Variants in SETD5 observed in about 807,000 individuals in gnomAD.
SETD5 encodes the protein SET domain containing 5.
Under a neutral mutation model 153.3 loss-of-function variants are expected in SETD5, and 44 were observed. The observed-to-expected ratio is 0.29, with a 90% confidence interval of 0.23 to 0.37. SETD5 has a LOEUF of 0.37. SETD5 is among the 10% of genes least tolerant of loss of function. The pLI, the probability that SETD5 is intolerant of heterozygous loss-of-function variation, is 1.00. For missense variants in SETD5, 1,544 were observed against 1,768.0 expected (o/e 0.87, Z 2.27); for synonymous variants, 716 against 645.2 (o/e 1.11, Z -1.66).
At chr3:9,422,520 G>GTA (rs1480899187) in intron 1 of SETD5, among the ~76,000 whole-genome samples, 9 of 152,140 alleles carry the variant, frequency 5.9e-5, no homozygotes, top group African/African-American at 2.2e-4. Flanking sequence ...AGGAAAATAA[G>GTA]TATAAATTTT....
At chr3:9,452,175 T>C (rs1176123249) in intron 16 of SETD5, among the ~76,000 whole-genome samples, 7 of 152,198 alleles carry the variant, frequency 4.6e-5, no homozygotes, top group African/African-American at 7.2e-5. Flanking sequence ...AGTCATCAGA[T>C]CCAGAATGTA....
Position 9,440,703 on chromosome 3 carries a change from G to T in SETD5, c.810+5G>T, listed in dbSNP as rs1278552034. ...GTTATTGGTTCCCAAATGCAGGTAA[G>T]CACCAAAGGGTTGAGGACTCTCTAA... On this transcript the variant is annotated splice_donor_5th_base_variant and intron_variant, in intron 8 of 22. Coordinates refer to ENST00000402198, the MANE Select transcript of SETD5 (RefSeq NM_001080517.3). 4 of 1,611,570 alleles carry T rather than the reference G, an allele frequency of 2.5e-6. No homozygotes were observed. The highest frequency in any genetic ancestry group is 3.4e-6 in the Non-Finnish European group (4 of 1,178,880).
intron 7 of SETD5, chr3:9,436,869 G>A (rs985613773): frequency 1.2e-5 from 18 of 1,550,024 alleles, no homozygotes; most frequent in East Asian, 2.4e-5. Flanking sequence ...GAGGGATCCC[G>A]GAAGTCCTTG....
chr3:9,448,014 A>T lies in SETD5; in HGVS notation c.2103+8A>T, dbSNP rs774865897. 1.6e-5 allele frequency: 25 copies of T among 1,608,726 alleles called. No individual in the cohort carries two copies. In the South Asian group the frequency reaches 2.5e-4, roughly 16 times the overall value. The stretch of plus-strand genomic sequence containing the variant: ...TACCCCAAAACCAAAAAGGTAAGTC[A>T]CAAATGCATCCTTTATAAGTCCAGT... On this transcript the variant is annotated splice_region_variant and intron_variant, in intron 15 of 22. Transcript: ENST00000402198.
At chr3:9,412,387 GTTTTTTTTTTTTTTTTTT>G (rs370566998) in intron 1 of SETD5, among the ~76,000 whole-genome samples, 1 of 89,536 alleles carries the variant, frequency 1.1e-5, no homozygotes, top group South Asian at 4.6e-4. Context: ...ACAGTTTTGG[GTTTTTTTTTTTTTTTTTT>G]TTTTTTTTTT....
chr3:9,439,458 T>G (rs1041675851), intron 7 of SETD5, among the ~76,000 whole-genome samples: 5 of 152,250 alleles, frequency 3.3e-5, no homozygotes, highest in African/African-American at 1.2e-4. Context: ...TTGTACCTGT[T>G]TGCAAGTTTA....
rs537336492 is a variant in SETD5, at chr3:9,399,813, A to G, written c.-177+1836A>G. ...AAAGCATAATTCCAGCCCTTCTGGC[A>G]TGGAGCACTGGTCCAAAAAAAAAAA... On this transcript the variant is annotated intron_variant, in intron 1 of 22. Coordinates refer to ENST00000402198, the MANE Select transcript of SETD5 (RefSeq NM_001080517.3). Among the ~76,000 whole-genome samples, 5 of 143,074 alleles carry G rather than the reference A, an allele frequency of 3.5e-5. No individual in the cohort carries two copies. In the South Asian group the frequency reaches 9.5e-4, roughly 27 times the overall value. The allele number at this position is 143,074 out of a possible 152,430, so 93.9% of individuals were successfully genotyped here.
At chr3:9,424,348 T>C (rs1004894855) in intron 1 of SETD5, 119 bp from the exon 2 acceptor site, 3 of 152,146 alleles carry the variant, frequency 2.0e-5, no homozygotes, top group Non-Finnish European at 4.4e-5. Flanking sequence ...CGAGATAGTA[T>C]AGATGTAGGA....
rs978233392 is a variant in SETD5, at chr3:9,433,734, C to T, written c.72-111C>T. On this transcript the variant is annotated intron_variant, in intron 3 of 22. Transcript: ENST00000402198. ...GTTTCACCGAGTTCTTTCTCTTATC[C>T]TAGTGGCTAGTGGTTGTGGAAAGAG... The T allele has an allele frequency of 6.3e-6, 7 of 1,105,898 alleles. No individual in the cohort carries two copies. The African/African-American group carries it at 9.3e-5, about 15-fold the overall frequency. The allele number at this position is 1,105,898 out of a possible 1,614,324, so 68.5% of individuals were successfully genotyped here.
intron 9 of SETD5, 41 bp downstream of exon 9, chr3:9,441,782 C>G (rs2041321947): frequency 3.1e-6 from 5 of 1,611,778 alleles, no homozygotes; most frequent in Non-Finnish European, 4.2e-6. Flanking sequence ...CTAAGGTGGA[C>G]CTGGTTGACC....
intron 1 of SETD5, among the ~76,000 whole-genome samples, chr3:9,416,146 A>G (rs1032731512): frequency 4.6e-5 from 7 of 151,698 alleles, no homozygotes; most frequent in Non-Finnish European, 8.8e-5. Context: ...TTCCATTGGA[A>G]GGTGTGCCTC....
rs776457954 is a variant in SETD5, at chr3:9,470,502, T to G, written c.2768T>G (p.Leu923Arg). ...KDLDLAKVGY[L>R]DSNTNSCADR... ...CTGGATTTGGCAAAAGTAGGATACC[T>G]TGACTCCAACACTAACAGCTGTGCT... Residue 923 changes from leucine to arginine, a missense_variant, in exon 19 of 23, where the codon CTT becomes CGT. Around this residue, in one of 9 missense-constraint regions of SETD5, gnomAD observed 782 missense variants for 787.2 expected, o/e 0.99. Transcript: ENST00000402198. 1 of 1,613,832 alleles carries G rather than the reference T, an allele frequency of 6.2e-7. No homozygotes were observed. Among genetic ancestry groups the G allele is most frequent in the Non-Finnish European group, 8.5e-7 (1 of 1,179,786 alleles).
At chr3:9,420,773 A>C (rs1467121835) in intron 1 of SETD5, among the ~76,000 whole-genome samples, 1 of 151,856 alleles carries the variant, frequency 6.6e-6, no homozygotes, top group East Asian at 1.9e-4. Flanking sequence ...TTTAGAGTTC[A>C]TCTCTTTGTT....
intron 3 of SETD5, chr3:9,429,962 G>A: frequency 7.7e-7 from 1 of 1,290,834 alleles, no homozygotes; most frequent in Admixed American, 2.4e-5. Flanking sequence ...CAGTACCAGG[G>A]ATTAGGGTCT....
intron 17 of SETD5, among the ~76,000 whole-genome samples, chr3:9,458,443 C>G (rs1027811054): frequency 6.6e-6 from 1 of 151,930 alleles, no homozygotes. Flanking sequence ...AGAGAGAGAC[C>G]CACATCTCTA....
intron 1 of SETD5, among the ~76,000 whole-genome samples, chr3:9,407,837 CTGAAAA>C (rs994728867): frequency 6.4e-4 from 97 of 152,146 alleles, no homozygotes; most frequent in African/African-American, 2.3e-3. Context: ...CCCATCTCTA[CTGAAAA>C]TAGAAAATTA....
Position 9,434,901 on chromosome 3 carries a change from A to G in SETD5, c.388+19A>G. On this transcript the variant is annotated intron_variant, in intron 6 of 22. Coordinates refer to ENST00000402198, the MANE Select transcript of SETD5 (RefSeq NM_001080517.3). This position sits in a 1 kb window ranked among gnomAD's most constrained non-coding sequence, Gnocchi z 5.6. The stretch of plus-strand genomic sequence containing the variant: ...ATATCAGGTGAGCGGAAGATGGGTT[A>G]GGTCCACAATTTGACATAAAAATAT... 6.2e-7 allele frequency: 1 copy of G among 1,610,148 alleles called. No homozygotes were observed. Among genetic ancestry groups the G allele is most frequent in the Non-Finnish European group, 8.5e-7 (1 of 1,178,402 alleles).
chr3:9,409,896 GT>G (rs1465180571), intron 1 of SETD5, among the ~76,000 whole-genome samples: 2 of 152,076 alleles, frequency 1.3e-5, no homozygotes, highest in African/African-American at 4.8e-5. Context: ...ATTTCTCTTT[GT>G]TTTGTGCCAC....
At chr3:9,436,909 A>T (rs2040636151) in intron 7 of SETD5, 1 of 1,548,566 alleles carries the variant, frequency 6.5e-7, no homozygotes, top group Non-Finnish European at 8.7e-7. Flanking sequence ...ATCTTCGCTG[A>T]TGCTGTGTTT....
Sources: gnomAD v4.1 joint callset for allele counts (sites outside exome capture counted in the v4.1 genomes callset) on GRCh38, gnomAD v4.1.1 for gene constraint, gnomAD v4.1.1 regional missense constraint, Gnocchi (gnomAD v3.1) non-coding constraint, MANE v1.5 for transcripts, NCBI Gene and HGNC (gene_info 2026-07-23, HGNC 2026-07-21) for gene names.